OPRL1: variants seen among roughly 807,000 people sequenced by gnomAD.
OPRL1 encodes the protein opioid related nociceptin receptor 1.
Under a neutral mutation model 15.5 loss-of-function variants are expected in OPRL1, and 5 were observed. The ratio of observed to expected loss-of-function variants is 0.32; its 90% CI spans 0.17 to 0.68. The LOEUF (loss-of-function observed/expected upper bound fraction) is 0.68. Among genes scored for constraint, OPRL1 ranks in the 30% least tolerant of loss-of-function variants. The pLI is 0.72. For missense variants in OPRL1, 406 were observed against 515.3 expected (o/e 0.79, Z 2.05); for synonymous variants, 223 against 230.2 (o/e 0.97, Z 0.28).
rs142365377 is a variant in OPRL1 at position 64,086,824 on chromosome 20, C to T, written c.-184-5142C>T. Among the ~76,000 whole-genome samples the T allele has an allele frequency of 5.8e-3, 886 of 152,292 alleles. 6 individuals carry two copies. The highest frequency in any genetic ancestry group is 0.02 in the African/African-American group (846 of 41,550). On this transcript the variant is annotated intron_variant, in intron 1 of 4. Coordinates refer to ENST00000336866, the MANE Select transcript of OPRL1 (RefSeq NM_182647.4). Reference sequence around the variant, plus strand: ...GGATGGCTGCTCTGTGAGGGGCTGCCAGACCCTCTGCCTTGATTCCTGTTC... The same window carrying T: ...GGATGGCTGCTCTGTGAGGGGCTGCTAGACCCTCTGCCTTGATTCCTGTTC...
intron 1 of OPRL1, chr20:64,084,138 C>A (rs1178633209): frequency 6.8e-7 from 1 of 1,461,888 alleles, no homozygotes. Context: ...GCACGCTCCT[C>A]ACCCTGCGCC....
Position 64,098,271 on chromosome 20 carries a change from T to G in OPRL1, c.590-5T>G. 6.2e-7 allele frequency: 1 copy of G among 1,612,560 alleles called. No individual in the cohort carries two copies. The highest frequency in any genetic ancestry group is 8.5e-7 in the Non-Finnish European group (1 of 1,179,260). On this transcript the variant is annotated splice_polypyrimidine_tract_variant and splice_region_variant and intron_variant, in intron 4 of 4. Coordinates refer to ENST00000336866, the MANE Select transcript of OPRL1 (RefSeq NM_182647.4). Reference sequence around the variant, plus strand: ...CCCACTCTGACCCCGTTTCTCTCCCTGCAGAGATCGAGTGCCTGGTGGAGA... The same window carrying G: ...CCCACTCTGACCCCGTTTCTCTCCCGGCAGAGATCGAGTGCCTGGTGGAGA...
intron 1 of OPRL1, chr20:64,084,931 C>G (rs1249780195): frequency 6.6e-6 from 1 of 152,264 alleles, no homozygotes; most frequent in Admixed American, 6.5e-5. Context: ...GCTGCCTTCT[C>G]TGGTCGGAAG....
Position 64,083,949 on chromosome 20 carries a change from G to A in OPRL1, c.-185+3597G>A. The A allele has an allele frequency of 6.8e-7, 1 of 1,463,734 alleles. No homozygotes were observed. Among genetic ancestry groups the A allele is most frequent in the Admixed American group, 2.4e-5 (1 of 41,064 alleles). The allele number at this position is 1,463,734 out of a possible 1,614,324, so 90.7% of individuals were successfully genotyped here. On this transcript the variant is annotated intron_variant, in intron 1 of 4. Coordinates refer to ENST00000336866, the MANE Select transcript of OPRL1 (RefSeq NM_182647.4). The surrounding 1 kb of genome is among the most constrained non-coding windows in gnomAD (Gnocchi z 4.9). ...GACTGCGTCCACGGGCGCGGGTCGG[G>A]CATGCGGTACCCCGGTTCCACCGAC...
At chr20:64,080,607 C>T (rs2059956497) in intron 1 of OPRL1, among the ~76,000 whole-genome samples, 1 of 152,332 alleles carries the variant, frequency 6.6e-6, no homozygotes, top group East Asian at 1.9e-4. Flanking sequence ...CCCTTTGCCA[C>T]GAACGCCCTG....
rs1164486294 is a variant in OPRL1 at position 64,089,485 on chromosome 20, C to A, written c.-184-2481C>A. 6.6e-6 allele frequency among the ~76,000 whole-genome samples: 1 copy of A among 152,068 alleles called. No individual in the cohort carries two copies. Among genetic ancestry groups the A allele is most frequent in the Non-Finnish European group, 1.5e-5 (1 of 67,994 alleles). The stretch of plus-strand genomic sequence containing the variant: ...CCCTCCTTTCTTCCTGTCCTCCTAT[C>A]CCCAGCGTGTTTTCCTCCCTCTTCT... On this transcript the variant is annotated intron_variant, in intron 1 of 4. Transcript: ENST00000336866. This position sits in a 1 kb window ranked among gnomAD's most constrained non-coding sequence, Gnocchi z 5.5.
rs1158587827 is a variant in OPRL1 at position 64,090,206 on chromosome 20, TC to T, written c.-184-1759del. ...TTCTGAGTGTGTACCCATCCATGTCTCTGTGTGTTCACCCGTATGCCTGTCT... is the reference window on the plus strand; with the variant it reads ...TTCTGAGTGTGTACCCATCCATGTCTTGTGTGTTCACCCGTATGCCTGTCT... On this transcript the variant is annotated intron_variant, in intron 1 of 4. Coordinates refer to ENST00000336866, the MANE Select transcript of OPRL1 (RefSeq NM_182647.4). This position sits in a 1 kb window ranked among gnomAD's most constrained non-coding sequence, Gnocchi z 4.9. Among the ~76,000 whole-genome samples, 4 of 152,206 alleles carry T rather than the reference TC, an allele frequency of 2.6e-5. No homozygotes were observed. The highest frequency in any genetic ancestry group is 2.6e-4 in the Admixed American group (4 of 15,280).
At position 64,100,002 on chromosome 20, in the gene OPRL1, A is replaced by G. The variant is rs1197287057; in HGVS notation, c.*1203A>G. The G allele has an allele frequency of 6.6e-6, 1 of 151,456 alleles. No individual in the cohort carries two copies. The highest frequency in any genetic ancestry group is 1.5e-5 in the Non-Finnish European group (1 of 67,950). 9.4% of individuals were successfully genotyped at this position (151,456 alleles called of 1,614,324 possible). On this transcript the variant is annotated 3_prime_UTR_variant, in exon 5 of 5. Transcript: ENST00000336866. Reference sequence around the variant, plus strand: ...GTGTAGGGCCTGAGCTTGCTGCCCAACGGGAGGATGGCTTCACAGCAGAGC... The same window carrying G: ...GTGTAGGGCCTGAGCTTGCTGCCCAGCGGGAGGATGGCTTCACAGCAGAGC...
chr20:64,081,393 T>C (rs565431262), intron 1 of OPRL1, among the ~76,000 whole-genome samples: 137 of 152,326 alleles, frequency 9.0e-4, no homozygotes, highest in African/African-American at 3.2e-3. Flanking sequence ...ACAACCAGGC[T>C]GACCCCGCTG....
chr20:64,083,588 G>T lies in OPRL1; in HGVS notation c.-185+3236G>T. ...CTACCGGGGCTTGTCTGCACCTCTT[G>T]GCGGTCCAGGGGGTCCGGGATCCGC... is the stretch of plus-strand genomic sequence containing the variant. On this transcript the variant is annotated intron_variant, in intron 1 of 4. Transcript: ENST00000336866. This position sits in a 1 kb window ranked among gnomAD's most constrained non-coding sequence, Gnocchi z 4.9. 1 of 1,507,430 alleles carries T rather than the reference G, an allele frequency of 6.6e-7. No individual in the cohort carries two copies. The allele number at this position is 1,507,430 out of a possible 1,614,324, so 93.4% of individuals were successfully genotyped here. A position where few individuals can be genotyped will look rare whatever the true frequency, so the allele number is the denominator to read the frequency against.
In OPRL1 at chr20:64,083,323, C is replaced by T; in HGVS notation, c.-185+2971C>T. ...GTGCATGGGAGAGGCAGCGTCCATA[C>T]TCCCCGCTTCCCTCGGGGTCCTGGG... On this transcript the variant is annotated intron_variant, in intron 1 of 4. Transcript: ENST00000336866. The surrounding 1 kb of genome is among the most constrained non-coding windows in gnomAD (Gnocchi z 4.9). 3 of 1,502,956 alleles carry T rather than the reference C, an allele frequency of 2.0e-6. No homozygotes were observed. The highest frequency in any genetic ancestry group is 2.4e-5 in the South Asian group (2 of 84,304). The allele number at this position is 1,502,956 out of a possible 1,614,324, so 93.1% of individuals were successfully genotyped here.
chr20:64,084,356 G>A, intron 1 of OPRL1: 2 of 1,285,424 alleles, frequency 1.6e-6, no homozygotes, highest in East Asian at 6.5e-5. Context: ...TTTGAGTTCC[G>A]CACCCCCAGC....
rs528908725 is a variant in OPRL1, at chr20:64,081,487, C to T, written c.-185+1135C>T. Among the ~76,000 whole-genome samples, 5 of 152,278 alleles carry T rather than the reference C, an allele frequency of 3.3e-5. No homozygotes were observed. In the South Asian group the frequency reaches 1.0e-3, roughly 32 times the overall value. On this transcript the variant is annotated intron_variant, in intron 1 of 4. Transcript: ENST00000336866. ...AAGGTCAGTGCCCTCCCTGCCCCCT[C>T]GGGTCACTCTACAACCCCCCAGTCA...
intron 1 of OPRL1, among the ~76,000 whole-genome samples, chr20:64,081,413 G>T (rs1449236595): frequency 6.6e-6 from 1 of 152,240 alleles, no homozygotes; most frequent in Non-Finnish European, 1.5e-5. Flanking sequence ...GAGCCGGCCT[G>T]TTGTCTCTGC....
rs1201047001 is a variant in OPRL1 at position 64,098,469 on chromosome 20, C to T, written c.783C>T (p.Ile261=). ...AGAAGGACCGGAACCTGCGGCGCAT[C>T]ACTCGGCTGGTGCTGGTGGTAGTGG... ...SREKDRNLRR[I]TRLVLVVVAV... The change falls in exon 5 of 5, where the codon ATC becomes ATT. Residue 261 remains isoleucine, a synonymous_variant. Transcript: ENST00000336866. 1.2e-6 allele frequency: 2 copies of T among 1,613,354 alleles called. No individual in the cohort carries two copies. Among genetic ancestry groups the T allele is most frequent in the Admixed American group, 3.3e-5 (2 of 60,030 alleles).
chr20:64,092,369 C>T (rs2060128126), intron 2 of OPRL1, among the ~76,000 whole-genome samples: 2 of 152,122 alleles, frequency 1.3e-5, no homozygotes, highest in South Asian at 4.1e-4. Flanking sequence ...TGTGGGTGGA[C>T]ACGTGTCCTG....
chr20:64,095,351 G>C (rs1397643764), intron 3 of OPRL1, among the ~76,000 whole-genome samples: 2 of 119,332 alleles, frequency 1.7e-5, no homozygotes, highest in Admixed American at 8.2e-5. Flanking sequence ...TAGTCGGGGG[G>C]GAGCCGGGGG....
rs1480255159 is a variant in OPRL1 at position 64,090,495 on chromosome 20, C to T, written c.-184-1471C>T. ...CCACTCATGGAGAAGGTGCTCGGAG[C>T]AGGGTCTGAGCTGTGTGGGGAGAGG... On this transcript the variant is annotated intron_variant, in intron 1 of 4. Transcript: ENST00000336866. The surrounding 1 kb of genome is among the most constrained non-coding windows in gnomAD (Gnocchi z 4.9). 1.3e-5 allele frequency among the ~76,000 whole-genome samples: 2 copies of T among 152,214 alleles called. No individual in the cohort carries two copies. The highest frequency in any genetic ancestry group is 4.8e-5 in the African/African-American group (2 of 41,446).
rs753546410 is a variant in OPRL1 at position 64,098,789 on chromosome 20, G to A, written c.1103G>A (p.Arg368Gln). ...LACKTSETVPRPA is the reference protein window; with the variant it reads ...LACKTSETVPQPA ...TGCAAGACCTCTGAGACGGTACCGC[G>A]GCCCGCATGACTAGGCGTGGACCTG... is the stretch of plus-strand genomic sequence containing the variant. Residue 368 changes from arginine (R) to glutamine (Q), a missense_variant, in exon 5 of 5, where the codon CGG becomes CAG. Arg to Gln is a conservative substitution (Grantham distance 43). Coordinates refer to ENST00000336866, the MANE Select transcript of OPRL1 (RefSeq NM_182647.4). The A allele has an allele frequency of 1.2e-5, 19 of 1,594,840 alleles. No individual in the cohort carries two copies. The highest frequency in any genetic ancestry group is 8.9e-5 in the East Asian group (4 of 44,814).
Sources: gnomAD v4.1 joint callset for allele counts (sites outside exome capture counted in the v4.1 genomes callset) on GRCh38, gnomAD v4.1.1 for gene constraint, Gnocchi (gnomAD v3.1) non-coding constraint, MANE v1.5 for transcripts, NCBI Gene and HGNC (gene_info 2026-07-23, HGNC 2026-07-21) for gene names.